The following AFF2 variants were observed in gnomAD, a reference collection of about 807,000 sequenced individuals.
AFF2 encodes the protein AF4/FMR2 family member 2.
A neutral mutation model predicts 76.9 loss-of-function variants in AFF2; 14 were observed. That is an observed-to-expected ratio of 0.18 (90% CI 0.12 to 0.28). The LOEUF (loss-of-function observed/expected upper bound fraction) is 0.28. Ranked by LOEUF, AFF2 falls within the 10% of genes least tolerant of loss-of-function variation. The probability of loss-of-function intolerance (pLI) is 1.00; values close to 1 mark genes in which losing one functional copy is unlikely to be tolerated. For synonymous variants in AFF2, 398 were observed against 366.7 expected, an observed-to-expected ratio of 1.09 and a Z score of -0.98; for missense variants, 868 against 1,001.1, an observed-to-expected ratio of 0.87 and a Z score of 1.79.
intron 3 of AFF2, among the ~76,000 whole-genome samples, chrX:148,705,304 C>G (rs2054868571): frequency 8.9e-6 from 1 of 112,171 alleles, no homozygotes; most frequent in African/African-American, 3.2e-5. Context: ...TATATAATTG[C>G]ACAAAGTCAA....
At chrX:148,736,913 T>A (rs1557265135) in intron 3 of AFF2, among the ~76,000 whole-genome samples, 2 of 111,394 alleles carry the variant, frequency 1.8e-5, no homozygotes, top group Non-Finnish European at 3.8e-5. Context: ...CTGTAGAAGA[T>A]CAGTTGGGTG....
At chrX:148,880,784 C>T (rs556553271) in intron 7 of AFF2, among the ~76,000 whole-genome samples, 1 of 111,627 alleles carries the variant, frequency 9.0e-6, no homozygotes, top group Non-Finnish European at 1.9e-5. Flanking sequence ...GTTCTGTCTC[C>T]AACATCATTA....
At chrX:148,824,655 C>T (rs782102314) in intron 4 of AFF2, among the ~76,000 whole-genome samples, 10 of 112,114 alleles carry the variant, frequency 8.9e-5, no homozygotes, top group African/African-American at 2.3e-4. Flanking sequence ...TAGGGATCGG[C>T]TTATTTTTAC....
chrX:148,794,131 T>C (rs1557270184), intron 3 of AFF2, among the ~76,000 whole-genome samples: 1 of 111,960 alleles, frequency 8.9e-6, no homozygotes, highest in Non-Finnish European at 1.9e-5. Context: ...CCTATCTTAC[T>C]GTAAGTAAAC....
intron 8 of AFF2, among the ~76,000 whole-genome samples, chrX:148,898,985 T>C (rs1392372430): frequency 8.9e-6 from 1 of 112,147 alleles, no homozygotes; most frequent in Non-Finnish European, 1.9e-5. Flanking sequence ...AACATGTTTT[T>C]GCTTCCTAGA....
rs6641443 is a variant in AFF2, at chrX:148,620,400, G to T, written c.48-31599G>T. Among the ~76,000 whole-genome samples the T allele has an allele frequency of 6.4e-5, 7 of 109,900 alleles. No individual in the cohort carries two copies. In the South Asian group the frequency reaches 2.3e-3, roughly 36 times the overall value. On this transcript the variant is annotated intron_variant, in intron 1 of 20. Transcript: ENST00000370460. ...GTGCCTTAGAACTCCCAAAATGTAA[G>T]GTAAGGACCTTTAAAAATATATCTT... is the stretch of plus-strand genomic sequence containing the variant.
rs187554419 is a variant in AFF2 at position 148,715,427 on chromosome X, C to T, written c.1041+52659C>T. On this transcript the variant is annotated intron_variant, in intron 3 of 20. Coordinates refer to ENST00000370460, the MANE Select transcript of AFF2 (RefSeq NM_002025.4). The stretch of plus-strand genomic sequence containing the variant: ...CATTCCACTCCCACTAGTGTGTGCT[C>T]GCTGGCACACACAGACATACACACA... Among the ~76,000 whole-genome samples the T allele has an allele frequency of 7.7e-3, 845 of 110,050 alleles. 8 individuals carry two copies. Among genetic ancestry groups the T allele is most frequent in the African/African-American group, 0.027 (806 of 29,625 alleles).
chrX:148,785,615 A>G (rs781895429), intron 3 of AFF2, among the ~76,000 whole-genome samples: 1 of 111,284 alleles, frequency 9.0e-6, no homozygotes, highest in Non-Finnish European at 1.9e-5. Context: ...TGTTCCCCAA[A>G]TTTTAAGACT....
intron 13 of AFF2, among the ~76,000 whole-genome samples, chrX:148,965,501 C>T (rs2072161385): frequency 9.0e-6 from 1 of 111,503 alleles, no homozygotes; most frequent in South Asian, 3.8e-4. Context: ...TGCCACTAGC[C>T]CAGATACTAC....
rs190171874 is a variant in AFF2 at position 148,817,118 on chromosome X, T to C, written c.1086+7198T>C. Among the ~76,000 whole-genome samples the C allele has an allele frequency of 3.7e-4, 41 of 111,030 alleles. 1 individual carries two copies. The East Asian group carries it at 0.01, about 28-fold the overall frequency. On this transcript the variant is annotated intron_variant, in intron 4 of 20. Transcript: ENST00000370460. The stretch of plus-strand genomic sequence containing the variant: ...GAACTTAAAGATGCTATTTAAAAAA[T>C]AGATAAATCAGGAGGTGTGAATTAA...
intron 1 of AFF2, among the ~76,000 whole-genome samples, chrX:148,633,337 T>C (rs1557253290): frequency 9.0e-6 from 1 of 111,526 alleles, no homozygotes; most frequent in Non-Finnish European, 1.9e-5. Context: ...ACACATTGGA[T>C]GAAACGTGGG....
At chrX:148,738,229 T>C (rs1557265286) in intron 3 of AFF2, among the ~76,000 whole-genome samples, 1 of 111,591 alleles carries the variant, frequency 9.0e-6, no homozygotes, top group African/African-American at 3.3e-5. Flanking sequence ...AGAATTCTGC[T>C]GTGAATCCGT....
intron 9 of AFF2, among the ~76,000 whole-genome samples, chrX:148,935,590 C>T (rs1415539549): frequency 9.0e-6 from 1 of 111,524 alleles, no homozygotes; most frequent in Admixed American, 9.6e-5. Context: ...AAGCTCTCAG[C>T]GGACACCCAA....
At chrX:148,633,708 CA>C (rs2054001875) in intron 1 of AFF2, among the ~76,000 whole-genome samples, 1 of 112,443 alleles carries the variant, frequency 8.9e-6, no homozygotes, top group Admixed American at 9.4e-5. Flanking sequence ...TAATCCCACA[CA>C]GTCTGGAATA....
At chrX:148,949,118 C>CA (rs1355656161) in intron 9 of AFF2, among the ~76,000 whole-genome samples, 2 of 110,758 alleles carry the variant, frequency 1.8e-5, no homozygotes, top group Non-Finnish European at 3.8e-5. Context: ...CCTCTCCCCC[C>CA]ATCCCCAACC....
At chrX:148,833,483 T>C (rs1173173806) in intron 4 of AFF2, among the ~76,000 whole-genome samples, 1 of 109,630 alleles carries the variant, frequency 9.1e-6, no homozygotes, top group Admixed American at 9.8e-5. Context: ...GCACCTGTAG[T>C]CCCAGCTACT....
intron 7 of AFF2, among the ~76,000 whole-genome samples, chrX:148,847,673 T>C (rs986512644): frequency 1.2e-4 from 13 of 111,672 alleles, no homozygotes; most frequent in Admixed American, 1.9e-4. Context: ...TACATGTGGG[T>C]GGTTGTTATG....
At chrX:148,798,963 A>T (rs1225257877) in intron 3 of AFF2, among the ~76,000 whole-genome samples, 1 of 111,687 alleles carries the variant, frequency 9.0e-6, no homozygotes, top group African/African-American at 3.3e-5. Context: ...CCCTTCCATG[A>T]GCCAAGAATT....
At chrX:148,840,100 C>T (rs920456263) in intron 5 of AFF2, among the ~76,000 whole-genome samples, 3 of 110,653 alleles carry the variant, frequency 2.7e-5, no homozygotes, top group African/African-American at 9.9e-5. Context: ...TGAAAAACCT[C>T]ACAAGGAAGG....
Sources: gnomAD v4.1 joint callset for allele counts (sites outside exome capture counted in the v4.1 genomes callset) on GRCh38, gnomAD v4.1.1 for gene constraint, MANE v1.5 for transcripts, NCBI Gene and HGNC (gene_info 2026-07-23, HGNC 2026-07-21) for gene names.